PPP1R17: variants seen among roughly 807,000 people sequenced by gnomAD.
The protein encoded by PPP1R17 is protein phosphatase 1 regulatory subunit 17, also known as G-substrate.
PPP1R17 carries 12 observed loss-of-function variants against 15.9 expected under a neutral mutation model. That is an observed-to-expected ratio of 0.75 (90% CI 0.48 to 1.22). The LOEUF (loss-of-function observed/expected upper bound fraction) is 1.22. Ranked by LOEUF, PPP1R17 falls within the 50% of genes most tolerant of loss-of-function variation. The pLI, the probability that PPP1R17 is intolerant of heterozygous loss-of-function variation, is 0.00. For synonymous variants in PPP1R17, 63 were observed against 64.5 expected (o/e 0.98, Z 0.11); for missense variants, 211 against 187.3 (o/e 1.13, Z -0.74).
chr7:31,693,267 G>A (rs1487022774), intron 2 of PPP1R17, among the ~76,000 whole-genome samples: 1 of 152,146 alleles, frequency 6.6e-6, no homozygotes, highest in Non-Finnish European at 1.5e-5. Context: ...CAGAATCCTG[G>A]GGTTGAATTG....
Position 31,707,382 on chromosome 7 carries a change from G to T in PPP1R17, c.*99G>T. The T allele has an allele frequency of 9.5e-7, 1 of 1,049,838 alleles. No homozygotes were observed. The highest frequency in any genetic ancestry group is 1.4e-6 in the Non-Finnish European group (1 of 725,112). The allele number at this position is 1,049,838 out of a possible 1,614,324, so 65.0% of individuals were successfully genotyped here. On this transcript the variant is annotated 3_prime_UTR_variant, in exon 5 of 5. Coordinates refer to ENST00000342032, the MANE Select transcript of PPP1R17 (RefSeq NM_006658.5). ...TGTTTCTGCTCTCATTTTTGTCATC[G>T]TCTGACTTGAAGATTCAGACACCTT...
intron 2 of PPP1R17, 26 bp from the exon 3 acceptor site, chr7:31,695,443 A>G (rs888754916): frequency 2.9e-5 from 46 of 1,577,870 alleles, no homozygotes; most frequent in Non-Finnish European, 3.9e-5. Flanking sequence ...TATATTCTTT[A>G]TTTCTTTGTA....
chr7:31,704,081 G>A (rs943915334), intron 4 of PPP1R17, among the ~76,000 whole-genome samples: 1 of 152,188 alleles, frequency 6.6e-6, no homozygotes, highest in African/African-American at 2.4e-5. Flanking sequence ...GGAATAATGA[G>A]GCTGGAAGCA....
Position 31,692,306 on chromosome 7 carries a change from A to C in PPP1R17, c.-36-100A>C, listed in dbSNP as rs1432746959. ...ATAAAGAAACAGGATTGGATTGGGA[A>C]CACAATAGCAGGTGCTCAACAAATA... On this transcript the variant is annotated intron_variant, in intron 1 of 4. Coordinates refer to ENST00000342032, the MANE Select transcript of PPP1R17 (RefSeq NM_006658.5). 5 of 671,894 alleles carry C rather than the reference A, an allele frequency of 7.4e-6. No individual in the cohort carries two copies. In the African/African-American group the frequency reaches 9.1e-5, roughly 12 times the overall value. The allele number at this position is 671,894 out of a possible 1,614,324, so 41.6% of individuals were successfully genotyped here.
At chr7:31,698,252 A>G (rs890595670) in intron 4 of PPP1R17, among the ~76,000 whole-genome samples, 1 of 152,244 alleles carries the variant, frequency 6.6e-6, no homozygotes, top group Non-Finnish European at 1.5e-5. Context: ...CACGACAGAA[A>G]CAGTCAGGGG....
intron 4 of PPP1R17, among the ~76,000 whole-genome samples, chr7:31,705,744 G>C (rs1173046287): frequency 6.6e-6 from 1 of 151,764 alleles, no homozygotes; most frequent in African/African-American, 2.4e-5. Flanking sequence ...GGACTGGAAG[G>C]CGTCTCATTA....
intron 1 of PPP1R17, among the ~76,000 whole-genome samples, chr7:31,691,225 T>G (rs1352850708): frequency 6.6e-6 from 1 of 152,200 alleles, no homozygotes; most frequent in African/African-American, 2.4e-5. Flanking sequence ...TCTCAGCACA[T>G]AGAGGAAGAG....
At chr7:31,702,628 T>C (rs1427695242) in intron 4 of PPP1R17, among the ~76,000 whole-genome samples, 1 of 152,254 alleles carries the variant, frequency 6.6e-6, no homozygotes, top group East Asian at 1.9e-4. Context: ...CTTTTAGTAT[T>C]GTCTTTATTC....
At chr7:31,706,584 A>G (rs1451921483) in intron 4 of PPP1R17, among the ~76,000 whole-genome samples, 4 of 152,302 alleles carry the variant, frequency 2.6e-5, no homozygotes, top group South Asian at 4.1e-4. Flanking sequence ...CAGTACTGAC[A>G]TTGAGAAATG....
chr7:31,696,883 T>C, intron 3 of PPP1R17, 82 bp from the exon 4 acceptor site: 2 of 1,446,112 alleles, frequency 1.4e-6, no homozygotes, highest in Non-Finnish European at 1.9e-6. Flanking sequence ...CTTCACCAGA[T>C]GTCTATAAAT....
intron 4 of PPP1R17, among the ~76,000 whole-genome samples, chr7:31,704,980 T>TC (rs1793006078): frequency 6.6e-6 from 1 of 152,170 alleles, no homozygotes; most frequent in South Asian, 2.1e-4. Flanking sequence ...TTAAGGCTCA[T>TC]CCTAAGCAAT....
Position 31,688,819 on chromosome 7 carries a change from A to ATACC in PPP1R17, c.-37+1517_-37+1520dup, listed in dbSNP as rs1317342592. ...CTTGGTCTCTTGCATACTACACTGAATACCTACATTCTGTCAAACAACCAC... is the reference window on the plus strand; with the variant it reads ...CTTGGTCTCTTGCATACTACACTGAATACCTACCTACATTCTGTCAAACAACCAC... On this transcript the variant is annotated intron_variant, in intron 1 of 4. Coordinates refer to ENST00000342032, the MANE Select transcript of PPP1R17 (RefSeq NM_006658.5). 5.9e-5 allele frequency among the ~76,000 whole-genome samples: 9 copies of ATACC among 152,332 alleles called. No homozygotes were observed. The South Asian group carries it at 6.2e-4, about 11-fold the overall frequency.
chr7:31,692,798 A>G (rs1289626950), intron 2 of PPP1R17, among the ~76,000 whole-genome samples: 1 of 152,250 alleles, frequency 6.6e-6, no homozygotes, highest in African/African-American at 2.4e-5. Context: ...TGGGTCTGAC[A>G]GAGTCCCAGG....
At chr7:31,692,303 G>C (rs1792389943) in intron 1 of PPP1R17, 103 bp from the exon 2 acceptor site, 3 of 655,350 alleles carry the variant, frequency 4.6e-6, no homozygotes, top group Non-Finnish European at 7.6e-6. Context: ...GATTGGATTG[G>C]GAACACAATA....
chr7:31,708,409 A>G lies in PPP1R17; in HGVS notation c.*1126A>G, dbSNP rs1371020071. The stretch of plus-strand genomic sequence containing the variant: ...CTTCTGTCTTTCTGTTCTCACAAAG[A>G]TGGAAAAGATACAAGAGCTTGCCGG... On this transcript the variant is annotated 3_prime_UTR_variant, in exon 5 of 5. Transcript: ENST00000342032. 1 of 152,218 alleles carries G rather than the reference A, an allele frequency of 6.6e-6. No homozygotes were observed. Among genetic ancestry groups the G allele is most frequent in the Non-Finnish European group, 1.5e-5 (1 of 68,042 alleles). The allele number at this position is 152,218 out of a possible 1,614,324, so 9.4% of individuals were successfully genotyped here.
chr7:31,694,946 A>G (rs1191369127), intron 2 of PPP1R17, among the ~76,000 whole-genome samples: 3 of 152,206 alleles, frequency 2.0e-5, no homozygotes, highest in Admixed American at 2.0e-4. Context: ...AACGGTGAAA[A>G]GACAAATACA....
chr7:31,702,530 G>A (rs867307273), intron 4 of PPP1R17, among the ~76,000 whole-genome samples: 1 of 152,170 alleles, frequency 6.6e-6, no homozygotes, highest in African/African-American at 2.4e-5. Flanking sequence ...TCTGCTATCA[G>A]ACCCCTTCAG....
At chr7:31,707,129 A>G in intron 4 of PPP1R17, 75 bp from the exon 5 acceptor site, 4 of 1,377,524 alleles carry the variant, frequency 2.9e-6, no homozygotes, top group Non-Finnish European at 4.1e-6. Flanking sequence ...GCTCCTTTGT[A>G]CTGTGTCTGT....
At chr7:31,706,256 T>C (rs112209581) in intron 4 of PPP1R17, among the ~76,000 whole-genome samples, 6,762 of 151,860 alleles carry the variant, frequency 0.045, 537 homozygotes, top group African/African-American at 0.15. Flanking sequence ...CCACCCACCT[T>C]GGCCTCTCAA....
Sources: allele counts gnomAD v4.1 joint callset (sites outside exome capture counted in the v4.1 genomes callset), GRCh38; gene constraint gnomAD v4.1.1; transcripts MANE v1.5; gene names NCBI Gene and HGNC (gene_info 2026-07-23, HGNC 2026-07-21).